ZNF33A: variants seen among roughly 807,000 people sequenced by gnomAD.
ZNF33A encodes brain my041 protein.
In ZNF33A, 9 loss-of-function variants were observed where a neutral mutation model predicts 15.9. That is an observed-to-expected ratio of 0.57 (90% CI 0.34 to 0.99). ZNF33A has a LOEUF of 0.99. Among genes scored for constraint, ZNF33A ranks in the 50% least tolerant of loss-of-function variants. ZNF33A has a pLI of 0.02. For missense variants in ZNF33A, 843 were observed against 941.6 expected (o/e 0.90, Z 1.37); for synonymous variants, 294 against 324.2 (o/e 0.91, Z 1.00).
rs2066499123 is a variant in ZNF33A at position 38,056,617 on chromosome 10, G to C, written c.*57G>C. The stretch of plus-strand genomic sequence containing the variant: ...AGTAATAGTAGGGGATAAACCCATA[G>C]ACTACAACAATTATAGGACAGCTTT... On this transcript the variant is annotated 3_prime_UTR_variant, in exon 5 of 5. Coordinates refer to ENST00000432900, the MANE Select transcript of ZNF33A (RefSeq NM_006954.2). The C allele has an allele frequency of 6.6e-7, 1 of 1,504,398 alleles. No homozygotes were observed. The highest frequency in any genetic ancestry group is 8.8e-7 in the Non-Finnish European group (1 of 1,133,298). The allele number at this position is 1,504,398 out of a possible 1,614,324, so 93.2% of individuals were successfully genotyped here.
chr10:38,021,950 G>A (rs752635575), intron 4 of ZNF33A, among the ~76,000 whole-genome samples: 1 of 152,168 alleles, frequency 6.6e-6, no homozygotes, highest in Non-Finnish European at 1.5e-5. Flanking sequence ...TAATGAAAAT[G>A]AGACCATACC....
intron 4 of ZNF33A, among the ~76,000 whole-genome samples, chr10:38,038,926 C>A (rs1430394334): frequency 6.6e-6 from 1 of 152,092 alleles, no homozygotes; most frequent in East Asian, 1.9e-4. Context: ...TAGGATAAAT[C>A]ACACTTGATA....
At chr10:38,031,219 T>C (rs992698262) in intron 4 of ZNF33A, among the ~76,000 whole-genome samples, 2 of 152,130 alleles carry the variant, frequency 1.3e-5, no homozygotes, top group African/African-American at 4.8e-5. Context: ...TGGAGAAAAC[T>C]GGGTGAGGGG....
intron 4 of ZNF33A, among the ~76,000 whole-genome samples, chr10:38,022,121 C>A (rs112715207): frequency 2.1e-4 from 32 of 151,378 alleles, no homozygotes; most frequent in African/African-American, 7.3e-4. Context: ...AGTAGAAGGA[C>A]GAAAATAACA....
chr10:38,040,555 C>A (rs1590625564), intron 4 of ZNF33A, among the ~76,000 whole-genome samples: 2 of 151,934 alleles, frequency 1.3e-5, no homozygotes, highest in African/African-American at 2.4e-5. Flanking sequence ...AATAAAATTC[C>A]CCTCTTTATC....
rs7894820 is a variant in ZNF33A at position 38,053,516 on chromosome 10, C to G, written c.251-859C>G. 3.9e-3 allele frequency among the ~76,000 whole-genome samples: 598 copies of G among 152,268 alleles called. 7 individuals carry two copies. The highest frequency in any genetic ancestry group is 0.014 in the African/African-American group (569 of 41,550). ...TCCTTAAAGTCCCCATCTTCAAATA[C>G]AGTCACACTGGAGGTTGGGGTTTTA... On this transcript the variant is annotated intron_variant, in intron 4 of 4. Transcript: ENST00000432900.
chr10:38,015,106 C>A (rs2135540044), intron 2 of ZNF33A, among the ~76,000 whole-genome samples: 1 of 152,212 alleles, frequency 6.6e-6, no homozygotes, highest in East Asian at 1.9e-4. Context: ...AACTCCTGAC[C>A]TCAAGTGAGC....
At chr10:38,052,957 G>C (rs1200471429) in intron 4 of ZNF33A, among the ~76,000 whole-genome samples, 2 of 151,268 alleles carry the variant, frequency 1.3e-5, no homozygotes, top group Admixed American at 1.3e-4. Context: ...CTTCTTTAAG[G>C]ACTGCAATAA....
intron 4 of ZNF33A, among the ~76,000 whole-genome samples, chr10:38,047,709 A>C (rs2066015923): frequency 6.6e-6 from 1 of 151,152 alleles, no homozygotes; most frequent in East Asian, 1.9e-4. Flanking sequence ...AGTCTCTAAC[A>C]CACATGGAAT....
intron 4 of ZNF33A, among the ~76,000 whole-genome samples, chr10:38,027,650 G>A (rs1319810209): frequency 6.6e-6 from 1 of 151,976 alleles, no homozygotes; most frequent in Non-Finnish European, 1.5e-5. Context: ...CCCAGCCTCA[G>A]TCTAAAACTG....
At position 38,055,907 on chromosome 10, in the gene ZNF33A, T is replaced by C. The variant is rs563647023; in HGVS notation, c.1783T>C (p.Tyr595His). Residue 595 changes from tyrosine (Y) to histidine (H), a missense_variant, in exon 5 of 5, where the codon TAC becomes CAC. Coordinates refer to ENST00000432900, the MANE Select transcript of ZNF33A (RefSeq NM_006954.2). ...TGGAAAAATCTTTTACAATAAATCA[T>C]ACCTAACTAAACATAATAGAACACA... Reference protein sequence around the residue: ...ECGKIFYNKSYLTKHNRTHTG... With the variant: ...ECGKIFYNKSHLTKHNRTHTG... 1 of 1,613,640 alleles carries C rather than the reference T, an allele frequency of 6.2e-7. No homozygotes were observed. Among genetic ancestry groups the C allele is most frequent in the East Asian group, 2.2e-5 (1 of 44,808 alleles).
At chr10:38,042,604 G>A (rs1360136904) in intron 4 of ZNF33A, among the ~76,000 whole-genome samples, 1 of 150,474 alleles carries the variant, frequency 6.6e-6, no homozygotes, top group Non-Finnish European at 1.5e-5. Context: ...AGGCTGGAGT[G>A]CCGTGGTAGG....
At chr10:38,015,067 G>A (rs2064385545) in intron 2 of ZNF33A, among the ~76,000 whole-genome samples, 1 of 152,014 alleles carries the variant, frequency 6.6e-6, no homozygotes, top group African/African-American at 2.4e-5. Context: ...TAGAGACACG[G>A]TTTTGCCATG....
chr10:38,017,103 T>C (rs2135548466), intron 3 of ZNF33A, 88 bp downstream of exon 3: 4 of 1,524,078 alleles, frequency 2.6e-6, no homozygotes, highest in Non-Finnish European at 3.5e-6. Context: ...AGTTTAATGA[T>C]ATTTAAGGTT....
chr10:38,028,335 AC>A (rs1479284516), intron 4 of ZNF33A, among the ~76,000 whole-genome samples: 2 of 152,138 alleles, frequency 1.3e-5, no homozygotes, highest in Admixed American at 6.5e-5. Context: ...TCTGATTGGT[AC>A]ATTCAATCAA....
At position 38,010,719 on chromosome 10, in the gene ZNF33A, C is replaced by A. The variant is rs749898036; in HGVS notation, c.-109C>A. On this transcript the variant is annotated 5_prime_UTR_variant, in exon 1 of 5. Coordinates refer to ENST00000432900, the MANE Select transcript of ZNF33A (RefSeq NM_006954.2). ...TTTTTCTCAGGTTTTGCGTGGGAGG[C>A]GGTCCCGGGATTTCAAGGGTCTACG... 2 of 1,598,398 alleles carry A rather than the reference C, an allele frequency of 1.3e-6. No homozygotes were observed. The highest frequency in any genetic ancestry group is 4.5e-5 in the East Asian group (2 of 44,870).
intron 4 of ZNF33A, among the ~76,000 whole-genome samples, chr10:38,045,621 G>T (rs1166271162): frequency 6.6e-6 from 1 of 152,148 alleles, no homozygotes; most frequent in Admixed American, 6.5e-5. Flanking sequence ...AGTGTTTCTG[G>T]TAGATAGGAA....
chr10:38,066,750 C>T (rs1349197240), downstream of ZNF33A, among the ~76,000 whole-genome samples: 1 of 152,028 alleles, frequency 6.6e-6, no homozygotes, highest in Non-Finnish European at 1.5e-5. Context: ...GCCTGGCTAA[C>T]ATGGCAAAAC....
At position 38,039,587 on chromosome 10, in the gene ZNF33A, T is replaced by A. The variant is rs1261050448; in HGVS notation, c.251-14788T>A. On this transcript the variant is annotated intron_variant, in intron 4 of 4. Coordinates refer to ENST00000432900, the MANE Select transcript of ZNF33A (RefSeq NM_006954.2). The stretch of plus-strand genomic sequence containing the variant: ...TTTTACTTGTGTAGGTCTTTTCAGA[T>A]TTTTCTTTTTCTACTTGAGTTGGTT... The A allele has an allele frequency of 6.6e-6, 3 of 453,560 alleles. No individual in the cohort carries two copies. The East Asian group carries it at 2.1e-4, about 32-fold the overall frequency. 28.1% of individuals were successfully genotyped at this position (453,560 alleles called of 1,614,324 possible).
Sources: allele counts gnomAD v4.1 joint callset (sites outside exome capture counted in the v4.1 genomes callset), GRCh38; gene constraint gnomAD v4.1.1; transcripts MANE v1.5; gene names NCBI Gene and HGNC (gene_info 2026-07-23, HGNC 2026-07-21).